PHTF1: variants seen among roughly 807,000 people sequenced by gnomAD.
PHTF1 encodes the protein protein PHTF1.
In PHTF1, 88 loss-of-function variants were observed where a neutral mutation model predicts 102.4. The observed-to-expected ratio is 0.86, with a 90% CI of 0.72 to 1.03. PHTF1 has a LOEUF of 1.03. PHTF1 is among the 50% of genes least tolerant of loss of function. The pLI is 0.00. For synonymous variants in PHTF1, 289 were observed against 305.2 expected, an observed-to-expected ratio of 0.95 and a Z score of 0.55; for missense variants, 814 against 909.5, an observed-to-expected ratio of 0.89 and a Z score of 1.35.
intron 3 of PHTF1, among the ~76,000 whole-genome samples, chr1:113,754,241 T>C (rs1437537296): frequency 6.6e-6 from 1 of 152,072 alleles, no homozygotes; most frequent in Non-Finnish European, 1.5e-5. Context: ...CAAGACCTTG[T>C]CTCTACAAAA....
At chr1:113,748,062 T>C (rs1657490723) in intron 3 of PHTF1, among the ~76,000 whole-genome samples, 1 of 152,128 alleles carries the variant, frequency 6.6e-6, no homozygotes, top group African/African-American at 2.4e-5. Context: ...TCTGCACCTT[T>C]GAACTCCCAG....
intron 7 of PHTF1, among the ~76,000 whole-genome samples, chr1:113,722,919 C>CTAATAAAT (rs1553228475): frequency 7.4e-6 from 1 of 134,760 alleles, no homozygotes; most frequent in African/African-American, 2.8e-5. Context: ...GACTCCATCT[C>CTAATAAAT]AAATAAATAA....
chr1:113,711,666 T>C (rs530595225), intron 10 of PHTF1, 80 bp downstream of exon 10: 2 of 1,069,930 alleles, frequency 1.9e-6, no homozygotes, highest in African/African-American at 3.1e-5. Context: ...AATGCTACTT[T>C]AGGGCAACCA....
chr1:113,698,149 A>C, intron 18 of PHTF1, 113 bp downstream of exon 18: 1 of 672,930 alleles, frequency 1.5e-6, no homozygotes, highest in East Asian at 2.9e-5. Flanking sequence ...TTTGCATGCT[A>C]GAAACACACA....
At chr1:113,753,802 G>C (rs1658449484) in intron 3 of PHTF1, among the ~76,000 whole-genome samples, 1 of 150,906 alleles carries the variant, frequency 6.6e-6, no homozygotes, top group African/African-American at 2.4e-5. Context: ...AGTCTCCTGA[G>C]TAGCTGGGAC....
chr1:113,742,270 G>T (rs2101628419), intron 3 of PHTF1, among the ~76,000 whole-genome samples: 1 of 152,210 alleles, frequency 6.6e-6, no homozygotes, highest in African/African-American at 2.4e-5. Flanking sequence ...GAATATTTAG[G>T]CAATTTTAAA....
At chr1:113,748,365 A>G (rs944942009) in intron 3 of PHTF1, among the ~76,000 whole-genome samples, 2 of 152,030 alleles carry the variant, frequency 1.3e-5, no homozygotes, top group African/African-American at 4.8e-5. Context: ...CTTCTTCTCC[A>G]TGTATTTCCT....
intron 18 of PHTF1, 109 bp from the exon 19 acceptor site, chr1:113,697,834 G>C (rs1030202933): frequency 2.7e-6 from 2 of 749,872 alleles, no homozygotes; most frequent in Admixed American, 2.3e-5. Context: ...AGAAGAAAAT[G>C]TATCAAGTCT....
chr1:113,698,166 C>G, intron 18 of PHTF1, 96 bp downstream of exon 18: 2 of 789,970 alleles, frequency 2.5e-6, no homozygotes, highest in Non-Finnish European at 4.0e-6. Flanking sequence ...CACACACACA[C>G]ACACACACAC....
chr1:113,699,722 C>T lies in PHTF1; in HGVS notation c.2124G>A (p.Leu708=). 6.9e-7 allele frequency: 1 copy of T among 1,442,514 alleles called. No individual in the cohort carries two copies. The highest frequency in any genetic ancestry group is 9.7e-7 in the Non-Finnish European group (1 of 1,035,624). 89.4% of individuals were successfully genotyped at this position (1,442,514 alleles called of 1,614,324 possible). A position where few individuals can be genotyped will look rare whatever the true frequency, so the allele number is the denominator to read the frequency against. ...GACTTACTTTCAACAACTTGGTGGA[C>T]AGCTTTAATACATTGTTTACTAGAG... The part of the protein sequence containing the change: ...QLTLVNNVLK[L]STKLLKELDT... The change falls in exon 17 of 19, where the codon CTG becomes CTA. Residue 708 remains leucine, a synonymous_variant. Coordinates refer to ENST00000369604, the MANE Select transcript of PHTF1 (RefSeq NM_001323043.2).
intron 5 of PHTF1, among the ~76,000 whole-genome samples, chr1:113,731,487 C>T (rs1020256038): frequency 2.0e-5 from 3 of 151,726 alleles, no homozygotes; most frequent in African/African-American, 7.3e-5. Flanking sequence ...AATACCATCA[C>T]GCCACTGCAC....
Position 113,704,641 on chromosome 1 carries a change from CTATTG to C in PHTF1, c.1803+20_1803+24del, listed in dbSNP as rs1324114965. Reference sequence around the variant, plus strand: ...CAGTGAGCATATTCTTGCACATACTCTATTGTTAATCAAATAAAACTCACCTTTAG... The same window carrying C: ...CAGTGAGCATATTCTTGCACATACTCTTAATCAAATAAAACTCACCTTTAG... On this transcript the variant is annotated intron_variant, in intron 14 of 18. Coordinates refer to ENST00000369604, the MANE Select transcript of PHTF1 (RefSeq NM_001323043.2). 3.2e-6 allele frequency: 5 copies of C among 1,541,766 alleles called. No individual in the cohort carries two copies. In the African/African-American group the frequency reaches 6.9e-5, roughly 21 times the overall value.
At position 113,706,646 on chromosome 1, in the gene PHTF1, C is replaced by T; in HGVS notation, c.1346G>A (p.Cys449Tyr). 1 of 1,611,280 alleles carries T rather than the reference C, an allele frequency of 6.2e-7. No homozygotes were observed. Among genetic ancestry groups the T allele is most frequent in the Non-Finnish European group, 8.5e-7 (1 of 1,178,508 alleles). ...CAACACAGACATATCCATCTTTTTG[C>T]ACTCATTCCCCTCCCAGATTATTGC... is the stretch of plus-strand genomic sequence containing the variant. Reference protein sequence around the residue: ...VSAIIWEGNECKKMDMSVLEI... With the variant: ...VSAIIWEGNEYKKMDMSVLEI... Residue 449 changes from cysteine (C) to tyrosine (Y), a missense_variant, in exon 12 of 19, where the codon TGC becomes TAC. Physicochemically the swap from Cys to Tyr is radical, Grantham distance 194. Transcript: ENST00000369604.
At chr1:113,759,508 C>T (rs1028225271), upstream of PHTF1, 2 of 152,296 alleles carry the variant, frequency 1.3e-5, no homozygotes, top group Non-Finnish European at 2.9e-5. Flanking sequence ...TAGAGCCGCT[C>T]AGCCGACCAC....
chr1:113,724,632 C>T (rs1320694922), intron 7 of PHTF1, 127 bp downstream of exon 7: 2 of 562,412 alleles, frequency 3.6e-6, no homozygotes, highest in African/African-American at 1.9e-5. Context: ...TTTGAGTAAG[C>T]AAGCCCTCTG....
chr1:113,758,395 T>C (rs1571278220), intron 2 of PHTF1, among the ~76,000 whole-genome samples: 1 of 152,106 alleles, frequency 6.6e-6, no homozygotes, highest in Non-Finnish European at 1.5e-5. Flanking sequence ...AGCAGTTTGA[T>C]CAGAAGCAAA....
rs1659084174 is a variant in PHTF1 at position 113,757,691 on chromosome 1, C to A, written c.102+8G>T. The A allele has an allele frequency of 8.2e-6, 13 of 1,587,416 alleles. No individual in the cohort carries two copies. The highest frequency in any genetic ancestry group is 1.1e-5 in the Non-Finnish European group (13 of 1,155,806). On this transcript the variant is annotated splice_region_variant and intron_variant, in intron 3 of 18. Coordinates refer to ENST00000369604, the MANE Select transcript of PHTF1 (RefSeq NM_001323043.2). The stretch of plus-strand genomic sequence containing the variant: ...GAAACATAGGCGGAATCAAAGAAAT[C>A]AATTTACCTTAATCTGAGTCTGTTC...
intron 5 of PHTF1, among the ~76,000 whole-genome samples, chr1:113,733,073 T>A (rs1654936117): frequency 7.1e-6 from 1 of 141,590 alleles, no homozygotes; most frequent in Non-Finnish European, 1.5e-5. Flanking sequence ...TTTTTTTTTT[T>A]TTTTTTTTTT....
intron 15 of PHTF1, among the ~76,000 whole-genome samples, chr1:113,701,457 GT>G (rs1330682149): frequency 1.3e-5 from 2 of 151,976 alleles, no homozygotes; most frequent in Non-Finnish European, 2.9e-5. Flanking sequence ...TTTTGTTTTT[GT>G]TTTTAAATTT....
Sources: allele counts gnomAD v4.1 joint callset (sites outside exome capture counted in the v4.1 genomes callset), GRCh38; gene constraint gnomAD v4.1.1; transcripts MANE v1.5; gene names NCBI Gene and HGNC (gene_info 2026-07-23, HGNC 2026-07-21).